The following THAP5 variants were observed in gnomAD, a reference collection of about 807,000 sequenced individuals.
THAP5 encodes the protein THAP domain containing 5.
THAP5 carries 26 observed loss-of-function variants against 34.0 expected under a neutral mutation model. The observed-to-expected ratio is 0.77, with a 90% CI of 0.56 to 1.06. THAP5 has a LOEUF of 1.06. Among genes scored for constraint, THAP5 ranks in the 50% least tolerant of loss-of-function variants. The pLI is 0.00. For synonymous variants in THAP5, 125 were observed against 153.0 expected (o/e 0.82, Z 1.35); for missense variants, 394 against 452.8 (o/e 0.87, Z 1.18).
At chr7:108,546,219 T>C in the THAP5 span, among the ~76,000 whole-genome samples, 3 of 152,384 alleles carry the variant, frequency 2.0e-5, no homozygotes, top group Non-Finnish European at 4.4e-5. Flanking sequence ...ATTATCATCC[T>C]GTTTTTCTGT....
chr7:108,566,244 T>C (rs1173674277), intron 1 of THAP5, among the ~76,000 whole-genome samples: 2 of 152,200 alleles, frequency 1.3e-5, no homozygotes, highest in Non-Finnish European at 2.9e-5. Flanking sequence ...CCAAGGCTCT[T>C]ATCTGATAAG....
the THAP5 span, among the ~76,000 whole-genome samples, chr7:108,542,132 T>C: frequency 6.6e-6 from 1 of 152,190 alleles, no homozygotes; most frequent in Non-Finnish European, 1.5e-5. Flanking sequence ...ATTCTGTCAC[T>C]GTGGAGGGGA....
At chr7:108,550,937 CT>C (rs980196807), downstream of THAP5, among the ~76,000 whole-genome samples, 1 of 152,076 alleles carries the variant, frequency 6.6e-6, no homozygotes, top group African/African-American at 2.4e-5. Context: ...TATCTTTTGG[CT>C]TTTTTTGTTC....
chr7:108,552,606 C>A (rs1236177740), downstream of THAP5, among the ~76,000 whole-genome samples: 1 of 152,214 alleles, frequency 6.6e-6, no homozygotes, highest in Admixed American at 6.5e-5. Context: ...TCGAGACCAG[C>A]CTGGCCAACA....
chr7:108,564,990 A>AT lies in THAP5; in HGVS notation c.388dup (p.Ile130AsnfsTer3), dbSNP rs1564011178. On this transcript the variant is annotated frameshift_variant, in exon 3 of 3. Coordinates refer to ENST00000415914, the MANE Select transcript of THAP5 (RefSeq NM_001130475.3). LOFTEE classifies it high-confidence loss of function. ...TTGATGGGGCACATCTGTGTTAACT[A>AT]TATTTTTCTTTGTCTCATTTAATAC... 7 of 1,552,572 alleles carry AT rather than the reference A, an allele frequency of 4.5e-6. No individual in the cohort carries two copies. In the Admixed American group the frequency reaches 9.8e-5, roughly 22 times the overall value.
At chr7:108,547,784 G>T in the THAP5 span, among the ~76,000 whole-genome samples, 3 of 152,068 alleles carry the variant, frequency 2.0e-5, no homozygotes, top group African/African-American at 7.2e-5. Context: ...TAGAATAATC[G>T]ATTTTCCATT....
At chr7:108,552,285 C>A (rs1864358532), downstream of THAP5, among the ~76,000 whole-genome samples, 1 of 152,092 alleles carries the variant, frequency 6.6e-6, no homozygotes, top group Non-Finnish European at 1.5e-5. Flanking sequence ...ATGCCTTAAG[C>A]ACCCCACACT....
At chr7:108,549,989 A>G (rs1214485965), downstream of THAP5, among the ~76,000 whole-genome samples, 1 of 151,850 alleles carries the variant, frequency 6.6e-6, no homozygotes, top group Non-Finnish European at 1.5e-5. Flanking sequence ...CTTTTTTCCT[A>G]TTTTCATCTC....
chr7:108,550,023 T>C (rs1864343834), downstream of THAP5, among the ~76,000 whole-genome samples: 1 of 152,210 alleles, frequency 6.6e-6, no homozygotes, highest in Non-Finnish European at 1.5e-5. Flanking sequence ...TAATAAACTA[T>C]CATCTAGGCA....
chr7:108,548,986 C>T, the THAP5 span, among the ~76,000 whole-genome samples: 1 of 151,948 alleles, frequency 6.6e-6, no homozygotes, highest in South Asian at 2.1e-4. Flanking sequence ...AAAACAAAAG[C>T]CTGCAGTCCT....
chr7:108,567,617 T>C (rs1263674682), intron 1 of THAP5, among the ~76,000 whole-genome samples: 1 of 152,140 alleles, frequency 6.6e-6, no homozygotes. Context: ...TTTTGTTTCA[T>C]TGTCTTATGT....
At chr7:108,566,183 T>C (rs1196245921) in intron 1 of THAP5, among the ~76,000 whole-genome samples, 161 bp from the exon 2 acceptor site, 1 of 152,206 alleles carries the variant, frequency 6.6e-6, no homozygotes, top group East Asian at 1.9e-4. Context: ...TCATGACAAC[T>C]AGTACCATTA....
In THAP5 at chr7:108,569,618, G is replaced by A. The variant is rs575147842; in HGVS notation, c.-49C>T. 5 of 1,546,286 alleles carry A rather than the reference G, an allele frequency of 3.2e-6. No individual in the cohort carries two copies. The highest frequency in any genetic ancestry group is 2.7e-5 in the African/African-American group (2 of 73,094). On this transcript the variant is annotated 5_prime_UTR_variant, in exon 1 of 3. Transcript: ENST00000415914. ...CCGGGGCCGGCGACGGATGCAGGGC[G>A]GCCCTCCTCACTGAGGATGCGCCAC...
At chr7:108,548,903 T>C in the THAP5 span, among the ~76,000 whole-genome samples, 1 of 152,078 alleles carries the variant, frequency 6.6e-6, no homozygotes, top group Non-Finnish European at 1.5e-5. Flanking sequence ...GAAGGATGAA[T>C]AGGAGTGAGC....
chr7:108,558,411 A>ATATATATATATT (rs1355319710), downstream of THAP5, among the ~76,000 whole-genome samples: 3 of 138,268 alleles, frequency 2.2e-5, no homozygotes, highest in Middle Eastern at 7.3e-3. Context: ...ATATATATAT[A>ATATATATATATT]TATTTAGACA....
chr7:108,562,108 G>A (rs1864439871), downstream of THAP5: 1 of 152,102 alleles, frequency 6.6e-6, no homozygotes, highest in Non-Finnish European at 1.5e-5. Flanking sequence ...TTCAGATTTT[G>A]GAGCATTTTG....
At chr7:108,560,991 C>G (rs1439879777), downstream of THAP5, among the ~76,000 whole-genome samples, 1 of 152,134 alleles carries the variant, frequency 6.6e-6, no homozygotes, top group Non-Finnish European at 1.5e-5. Context: ...GCTTTGGGCC[C>G]CCAGAGCGTT....
At chr7:108,542,839 A>G in the THAP5 span, among the ~76,000 whole-genome samples, 1 of 152,192 alleles carries the variant, frequency 6.6e-6, no homozygotes, top group African/African-American at 2.4e-5. Context: ...GGTCTGGAGA[A>G]TTCAAAATGG....
At chr7:108,560,681 A>G (rs917178078), downstream of THAP5, among the ~76,000 whole-genome samples, 4 of 152,234 alleles carry the variant, frequency 2.6e-5, no homozygotes, top group Non-Finnish European at 5.9e-5. Flanking sequence ...GGCAGTTGAC[A>G]TGAGGGAGCC....
Sources: allele counts gnomAD v4.1 joint callset (sites outside exome capture counted in the v4.1 genomes callset), GRCh38; gene constraint gnomAD v4.1.1; transcripts MANE v1.5; gene names NCBI Gene and HGNC (gene_info 2026-07-23, HGNC 2026-07-21).